FGGY: variants seen among roughly 807,000 people sequenced by gnomAD.
The protein encoded by FGGY is FGGY carbohydrate kinase domain containing, also known as FGGY carbohydrate kinase domain-containing protein.
FGGY carries 72 observed loss-of-function variants against 71.3 expected under a neutral mutation model. That is an observed-to-expected ratio of 1.01 (90% CI 0.84 to 1.23). FGGY has a LOEUF of 1.23. FGGY is among the 50% of genes most tolerant of loss of function. FGGY has a pLI of 0.00. For missense variants in FGGY, 668 were observed against 682.3 expected (o/e 0.98, Z 0.23); for synonymous variants, 251 against 250.3 (o/e 1.00, Z -0.02).
At chr1:59,639,202 G>C (rs1468665787) in intron 11 of FGGY, among the ~76,000 whole-genome samples, 3 of 152,206 alleles carry the variant, frequency 2.0e-5, no homozygotes, top group Non-Finnish European at 4.4e-5. Flanking sequence ...CTTATGCAAA[G>C]GAAGCCGCGT....
At chr1:59,547,891 A>ACATT (rs1377766011) in intron 7 of FGGY, among the ~76,000 whole-genome samples, 9 of 152,332 alleles carry the variant, frequency 5.9e-5, no homozygotes, top group South Asian at 2.1e-4. Flanking sequence ...TCTGCCACAC[A>ACATT]CATTCATTTA....
At chr1:59,409,598 T>TATATATATATATA (rs1553185795) in intron 5 of FGGY, among the ~76,000 whole-genome samples, 31 of 105,772 alleles carry the variant, frequency 2.9e-4, no homozygotes, top group African/African-American at 8.9e-4. Context: ...GAAGAGTTTT[T>TATATATATATATA]TATATATATA....
At chr1:59,395,056 C>T (rs2061164472) in intron 5 of FGGY, among the ~76,000 whole-genome samples, 2 of 152,036 alleles carry the variant, frequency 1.3e-5, no homozygotes, top group Admixed American at 1.3e-4. Flanking sequence ...GGCAGTTACA[C>T]AGACTCTTTT....
At chr1:59,467,251 A>G (rs957821475) in intron 6 of FGGY, among the ~76,000 whole-genome samples, 71 of 152,176 alleles carry the variant, frequency 4.7e-4, no homozygotes, top group African/African-American at 1.6e-3. Flanking sequence ...TATCACAAGG[A>G]CAGAAAACCA....
chr1:59,618,068 C>T (rs1048908258), intron 9 of FGGY, among the ~76,000 whole-genome samples: 8 of 152,074 alleles, frequency 5.3e-5, no homozygotes, highest in African/African-American at 1.2e-4. Context: ...CCTTCCATCG[C>T]GTTACAGAGA....
chr1:59,533,391 G>C (rs770477912), intron 7 of FGGY, among the ~76,000 whole-genome samples: 1 of 152,238 alleles, frequency 6.6e-6, no homozygotes, highest in South Asian at 2.1e-4. Context: ...AGCAGTCTGA[G>C]ATCAAACTGC....
At chr1:59,317,650 C>G (rs1258737772) in intron 1 of FGGY, among the ~76,000 whole-genome samples, 2 of 152,142 alleles carry the variant, frequency 1.3e-5, no homozygotes, top group Non-Finnish European at 2.9e-5. Flanking sequence ...TTTGCTGGAG[C>G]TCACAGGTCG....
intron 12 of FGGY, among the ~76,000 whole-genome samples, chr1:59,666,477 T>C (rs2097327164): frequency 6.6e-6 from 1 of 152,254 alleles, no homozygotes; most frequent in Admixed American, 6.5e-5. Flanking sequence ...GATGTTCAAC[T>C]ATCCTATCTA....
intron 11 of FGGY, among the ~76,000 whole-genome samples, chr1:59,656,473 G>A (rs753530158): frequency 4.6e-5 from 7 of 152,304 alleles, no homozygotes; most frequent in South Asian, 2.1e-4. Context: ...GCAAAGTTCC[G>A]TCATGGGTTG....
intron 14 of FGGY, among the ~76,000 whole-genome samples, chr1:59,724,158 G>A (rs141143199): frequency 1.9e-3 from 288 of 148,510 alleles, no homozygotes; most frequent in African/African-American, 6.2e-3. Flanking sequence ...GCAAGACTCC[G>A]TCTCAATTAA....
chr1:59,492,893 T>C (rs1442427510), intron 6 of FGGY, among the ~76,000 whole-genome samples: 1 of 152,180 alleles, frequency 6.6e-6, no homozygotes, highest in Non-Finnish European at 1.5e-5. Flanking sequence ...TGAGTTACTT[T>C]TTAGCTTTTG....
chr1:59,755,941 C>G (rs142319118), intron 14 of FGGY: 2 of 152,104 alleles, frequency 1.3e-5, no homozygotes, highest in Non-Finnish European at 2.9e-5. Flanking sequence ...AAGGAAGAGA[C>G]GAAAAGGACA....
intron 8 of FGGY, among the ~76,000 whole-genome samples, chr1:59,577,878 G>T (rs149356262): frequency 1.9e-4 from 29 of 152,204 alleles, no homozygotes; most frequent in African/African-American, 7.0e-4. Flanking sequence ...GCCCTAGCCA[G>T]CGCTGTCCAC....
chr1:59,712,748 C>T (rs553595007), intron 14 of FGGY, among the ~76,000 whole-genome samples: 3 of 152,284 alleles, frequency 2.0e-5, no homozygotes, highest in Admixed American at 2.0e-4. Context: ...ATCCTGGGCC[C>T]GGCCCACAAC....
intron 11 of FGGY, among the ~76,000 whole-genome samples, chr1:59,641,527 A>G (rs1203913130): frequency 2.0e-5 from 3 of 152,230 alleles, no homozygotes; most frequent in Admixed American, 2.0e-4. Context: ...ATGTGTGTGT[A>G]TATAATCATT....
At chr1:59,487,641 C>G (rs2093694715) in intron 6 of FGGY, among the ~76,000 whole-genome samples, 1 of 152,164 alleles carries the variant, frequency 6.6e-6, no homozygotes, top group Non-Finnish European at 1.5e-5. Flanking sequence ...GGAGCTAAAA[C>G]CTGCCTGGGC....
chr1:59,464,770 G>A (rs548227079), intron 6 of FGGY, among the ~76,000 whole-genome samples: 24 of 152,234 alleles, frequency 1.6e-4, no homozygotes, highest in Admixed American at 1.4e-3. Context: ...AGAAAATCTG[G>A]AAGAAATGGA....
chr1:59,473,138 A>C (rs1381636110), intron 6 of FGGY, among the ~76,000 whole-genome samples: 1 of 152,048 alleles, frequency 6.6e-6, no homozygotes, highest in Non-Finnish European at 1.5e-5. Flanking sequence ...TTTGCAATAA[A>C]TCTTGCTGCT....
intron 5 of FGGY, among the ~76,000 whole-genome samples, chr1:59,443,011 A>G (rs971774901): frequency 1.3e-5 from 2 of 152,198 alleles, no homozygotes; most frequent in African/African-American, 4.8e-5. Flanking sequence ...TAGGATTTTT[A>G]GTATGAGGGA....
Sources: allele counts gnomAD v4.1 joint callset (sites outside exome capture counted in the v4.1 genomes callset), GRCh38; gene constraint gnomAD v4.1.1; transcripts MANE v1.5; gene names NCBI Gene and HGNC (gene_info 2026-07-23, HGNC 2026-07-21).